Variants in ADCY4 observed in about 807,000 individuals in gnomAD.
The protein encoded by ADCY4 is adenylate cyclase 4, also known as adenylate cyclase type 4.
Under a neutral mutation model 125.5 loss-of-function variants are expected in ADCY4, and 111 were observed. That is an observed-to-expected ratio of 0.88 (90% CI 0.76 to 1.04). The LOEUF (loss-of-function observed/expected upper bound fraction) is 1.04, where lower values mean the gene tolerates loss of function less well. Ranked by LOEUF, ADCY4 falls within the 50% of genes least tolerant of loss-of-function variation. ADCY4 has a pLI of 0.00. For synonymous variants in ADCY4, 576 were observed against 586.9 expected, an observed-to-expected ratio of 0.98 and a Z score of 0.27; for missense variants, 1,256 against 1,382.9, an observed-to-expected ratio of 0.91 and a Z score of 1.46.
At chr14:24,327,301 C>T (rs1308024491) in intron 10 of ADCY4, among the ~76,000 whole-genome samples, 5 of 152,118 alleles carry the variant, frequency 3.3e-5, no homozygotes, top group Non-Finnish European at 7.4e-5. Context: ...AAGGGTCCTG[C>T]TCTTCCACCC....
intron 14 of ADCY4, 78 bp downstream of exon 14, chr14:24,325,299 A>G: frequency 8.1e-7 from 1 of 1,239,914 alleles, no homozygotes; most frequent in Non-Finnish European, 1.2e-6. Flanking sequence ...GTGAAGGAAG[A>G]AAGTGTGGCC....
At chr14:24,320,238 G>C (rs567917114) in intron 20 of ADCY4, among the ~76,000 whole-genome samples, 1 of 152,180 alleles carries the variant, frequency 6.6e-6, no homozygotes, top group East Asian at 1.9e-4. Context: ...CAAAACCAAG[G>C]GTAAAATGTG....
rs1020124200 is a variant in ADCY4, at chr14:24,334,745, C to T, written c.-93G>A. 11 of 1,061,662 alleles carry T rather than the reference C, an allele frequency of 1.0e-5. No homozygotes were observed. The highest frequency in any genetic ancestry group is 1.3e-5 in the Non-Finnish European group (10 of 765,992). The allele number at this position is 1,061,662 out of a possible 1,614,324, so 65.8% of individuals were successfully genotyped here. A position where few individuals can be genotyped will look rare whatever the true frequency, so the allele number is the denominator to read the frequency against. On this transcript the variant is annotated 5_prime_UTR_variant, in exon 1 of 25. Transcript: ENST00000418030. ...GGGCCCCACCTGAGCTTTTCTCACCCGCTCAAAGCCGCTACCACCCCGCGC... is the reference window on the plus strand; with the variant it reads ...GGGCCCCACCTGAGCTTTTCTCACCTGCTCAAAGCCGCTACCACCCCGCGC...
Position 24,325,859 on chromosome 14 carries a change from G to T in ADCY4, c.1684C>A (p.Pro562Thr). ...KQWKQSKDFN[P>T]LTLYFREKEM... is the part of the protein sequence containing the mutation. ...TTCTCTCTGAAGTACAGTGTCAGTGGGTTGAAGTCCTTCGACTGCTTCCAC... is the reference window on the plus strand; with the variant it reads ...TTCTCTCTGAAGTACAGTGTCAGTGTGTTGAAGTCCTTCGACTGCTTCCAC... Residue 562 changes from proline to threonine, a missense_variant, in exon 13 of 25, where the codon CCA becomes ACA. Pro to Thr is a conservative substitution (Grantham distance 38). Coordinates refer to ENST00000418030, the MANE Select transcript of ADCY4 (RefSeq NM_001198568.2). 2 of 1,597,274 alleles carry T rather than the reference G, an allele frequency of 1.3e-6. No individual in the cohort carries two copies. The highest frequency in any genetic ancestry group is 2.2e-5 in the East Asian group (1 of 44,704).
At chr14:24,323,180 G>C (rs1483242586) in intron 17 of ADCY4, 92 bp from the exon 18 acceptor site, 10 of 1,472,478 alleles carry the variant, frequency 6.8e-6, no homozygotes, top group Non-Finnish European at 9.2e-6. Context: ...CCAGGCCCAG[G>C]TCCTATCTGG....
intron 10 of ADCY4, among the ~76,000 whole-genome samples, chr14:24,327,186 C>T (rs1174096154): frequency 2.6e-5 from 4 of 152,052 alleles, no homozygotes; most frequent in Admixed American, 1.3e-4. Flanking sequence ...TGTGAGCCAC[C>T]GTGCCTGGCA....
chr14:24,332,392 G>T, intron 3 of ADCY4, 130 bp downstream of exon 3: 2 of 1,088,204 alleles, frequency 1.8e-6, no homozygotes, highest in Non-Finnish European at 1.3e-6. Context: ...CTCTGCGAAA[G>T]CACGGTTGGG....
In ADCY4 at chr14:24,319,317, G is replaced by C. The variant is rs80151064; in HGVS notation, c.2841+12C>G. 8 of 1,613,180 alleles carry C rather than the reference G, an allele frequency of 5.0e-6. No homozygotes were observed. In the East Asian group the frequency reaches 6.7e-5, roughly 13 times the overall value. ...CCAGAGGAGGATGGTAGGTAAGGAA[G>C]GGTTGCCGTACCTGTTGTGCATCCT... is the stretch of plus-strand genomic sequence containing the variant. On this transcript the variant is annotated intron_variant, in intron 22 of 24. Transcript: ENST00000418030. This position sits in a 1 kb window ranked among gnomAD's most constrained non-coding sequence, Gnocchi z 4.5.
intron 24 of ADCY4, 29 bp downstream of exon 24, chr14:24,318,625 C>T (rs770700861): frequency 6.2e-7 from 1 of 1,614,076 alleles, no homozygotes; most frequent in South Asian, 1.1e-5. Flanking sequence ...AGTCCCCCTC[C>T]CCCTATGCCT....
In ADCY4 at chr14:24,319,287, A is replaced by G; in HGVS notation, c.2841+42T>C. ...AGTCCCACTAATAAGCCCATCAATG[A>G]GAGCCCAGAGGAGGATGGTAGGTAA... On this transcript the variant is annotated intron_variant, in intron 22 of 24. Transcript: ENST00000418030. This position sits in a 1 kb window ranked among gnomAD's most constrained non-coding sequence, Gnocchi z 4.5. 6.2e-7 allele frequency: 1 copy of G among 1,612,798 alleles called. No homozygotes were observed.
At position 24,319,619 on chromosome 14, in the gene ADCY4, G is replaced by A; in HGVS notation, c.2733+123C>T. The A allele has an allele frequency of 7.5e-7, 1 of 1,331,488 alleles. No homozygotes were observed. Among genetic ancestry groups the A allele is most frequent in the Non-Finnish European group, 1.1e-6 (1 of 944,316 alleles). 82.5% of individuals were successfully genotyped at this position (1,331,488 alleles called of 1,614,324 possible). The stretch of plus-strand genomic sequence containing the variant: ...TGGGTAGATCTGGGGGATCAGAGGA[G>A]GTGAGGGAGTACTGTGGAGGGGAGG... On this transcript the variant is annotated intron_variant, in intron 21 of 24. Transcript: ENST00000418030. This position sits in a 1 kb window ranked among gnomAD's most constrained non-coding sequence, Gnocchi z 4.5.
chr14:24,324,947 A>G (rs558480827), intron 14 of ADCY4, among the ~76,000 whole-genome samples: 1 of 152,050 alleles, frequency 6.6e-6, no homozygotes, highest in East Asian at 1.9e-4. Flanking sequence ...CAGGTGATCC[A>G]CCTGCCTCAG....
Position 24,318,402 on chromosome 14 carries a change from A to G in ADCY4, c.*14T>C. The G allele has an allele frequency of 1.2e-6, 2 of 1,612,980 alleles. No individual in the cohort carries two copies. The highest frequency in any genetic ancestry group is 1.1e-5 in the South Asian group (1 of 91,006). On this transcript the variant is annotated 3_prime_UTR_variant, in exon 25 of 25. Coordinates refer to ENST00000418030, the MANE Select transcript of ADCY4 (RefSeq NM_001198568.2). ...GAGTCTCTTTATTGAGGTTCTTAGA[A>G]GGCGAGTGCAATCTCAGCCTAGGGT...
intron 15 of ADCY4, 38 bp downstream of exon 15, chr14:24,324,269 G>T (rs528465835): frequency 6.2e-7 from 1 of 1,613,954 alleles, no homozygotes; most frequent in African/African-American, 1.3e-5. Flanking sequence ...TGTGACCAGG[G>T]CTCCGGCATA....
chr14:24,334,645 C>T lies in ADCY4; in HGVS notation c.8G>A (p.Arg3His), dbSNP rs1288888316. The T allele has an allele frequency of 3.9e-6, 6 of 1,546,706 alleles. No individual in the cohort carries two copies. The Admixed American group carries it at 7.8e-5, about 20-fold the overall frequency. The change falls in exon 1 of 25, where the codon CGC becomes CAC. Residue 3 changes from arginine (R) to histidine (H), a missense_variant. Physicochemically the swap from Arg to His is conservative, Grantham distance 29. Transcript: ENST00000418030. Reference sequence around the variant, plus strand: ...GGGGGGCGGCCGGGGGCTGAAGAGGCGGGCCATGATCTCCCCAGCCCCGAG... The same window carrying T: ...GGGGGGCGGCCGGGGGCTGAAGAGGTGGGCCATGATCTCCCCAGCCCCGAG... MA[R>H]LFSPRPPPSE... is the part of the protein sequence containing the mutation.
chr14:24,323,561 A>G (rs1470893228), intron 16 of ADCY4, 107 bp from the exon 17 acceptor site: 1 of 1,498,710 alleles, frequency 6.7e-7, no homozygotes, highest in Admixed American at 2.1e-5. Flanking sequence ...AGACTCGTCC[A>G]AAGGGGTGGA....
chr14:24,318,900 G>T, intron 23 of ADCY4, 122 bp from the exon 24 acceptor site: 1 of 1,467,258 alleles, frequency 6.8e-7, no homozygotes, highest in Non-Finnish European at 9.3e-7. Context: ...GTCTCTAAGG[G>T]CTGGAGGAAT....
Position 24,332,812 on chromosome 14 carries a change from GC to G in ADCY4, c.335del (p.Gly112AlafsTer3). 1.3e-6 allele frequency: 2 copies of G among 1,564,986 alleles called. No individual in the cohort carries two copies. The highest frequency in any genetic ancestry group is 8.7e-7 in the Non-Finnish European group (1 of 1,152,496). Reference protein sequence around the residue: ...ALGHAFLFTGGVVSAWDQVSY... With the variant: ...ALGHAFLFTGXVVSAWDQVSY... Reference sequence around the variant, plus strand: ...TCACCTGGTCCCAGGCGCTCACCACGCCCCCGGTGAACAGGAAGGCGTGGCC... The same window carrying G: ...TCACCTGGTCCCAGGCGCTCACCACGCCCCGGTGAACAGGAAGGCGTGGCC... On this transcript the variant is annotated frameshift_variant, in exon 2 of 25. Coordinates refer to ENST00000418030, the MANE Select transcript of ADCY4 (RefSeq NM_001198568.2). LOFTEE classifies it high-confidence loss of function.
Position 24,334,664 on chromosome 14 carries a change from C to G in ADCY4, c.-12G>C, listed in dbSNP as rs748775612. On this transcript the variant is annotated 5_prime_UTR_variant, in exon 1 of 25. Coordinates refer to ENST00000418030, the MANE Select transcript of ADCY4 (RefSeq NM_001198568.2). ...AAGAGGCGGGCCATGATCTCCCCAG[C>G]CCCGAGCCCCGGGGCTGGCTAGGGC... is the stretch of plus-strand genomic sequence containing the variant. 3.0e-5 allele frequency: 46 copies of G among 1,532,634 alleles called. No individual in the cohort carries two copies. The highest frequency in any genetic ancestry group is 1.2e-4 in the South Asian group (10 of 83,050). The allele number at this position is 1,532,634 out of a possible 1,614,324, so 94.9% of individuals were successfully genotyped here.
Sources: gnomAD v4.1 joint callset for allele counts (sites outside exome capture counted in the v4.1 genomes callset) on GRCh38, gnomAD v4.1.1 for gene constraint, Gnocchi (gnomAD v3.1) non-coding constraint, MANE v1.5 for transcripts, NCBI Gene and HGNC (gene_info 2026-07-23, HGNC 2026-07-21) for gene names.